The following DNAJC7 variants were observed in gnomAD, a reference collection of about 807,000 sequenced individuals.
The protein encoded by DNAJC7 is dnaJ homolog subfamily C member 7.
Under a neutral mutation model 67.4 loss-of-function variants are expected in DNAJC7, and 18 were observed. That is an observed-to-expected ratio of 0.27 (90% CI 0.18 to 0.40). The LOEUF (loss-of-function observed/expected upper bound fraction) is 0.40, where lower values mean the gene tolerates loss of function less well. Ranked by LOEUF, DNAJC7 falls within the 10% of genes least tolerant of loss-of-function variation. DNAJC7 has a pLI of 1.00. For missense variants in DNAJC7, 419 were observed against 613.8 expected, an observed-to-expected ratio of 0.68 and a Z score of 3.35; for synonymous variants, 220 against 207.8, an observed-to-expected ratio of 1.06 and a Z score of -0.50.
intron 9 of DNAJC7, 94 bp from the exon 10 acceptor site, chr17:41,983,730 G>T: frequency 9.4e-7 from 1 of 1,063,434 alleles, no homozygotes; most frequent in South Asian, 1.6e-5. Flanking sequence ...TCAAGCAAGA[G>T]ACACACACTT....
At chr17:42,003,285 AGTGGACTG>A (rs1463992897) in intron 1 of DNAJC7, 1 of 152,242 alleles carries the variant, frequency 6.6e-6, no homozygotes, top group Non-Finnish European at 1.5e-5. Flanking sequence ...CAATGCCCAA[AGTGGACTG>A]GAGTCCCTCC....
At chr17:41,978,421 A>C (rs1452605705) in intron 12 of DNAJC7, among the ~76,000 whole-genome samples, 3 of 152,150 alleles carry the variant, frequency 2.0e-5, no homozygotes, top group Non-Finnish European at 4.4e-5. Context: ...ACCACTAACT[A>C]ACTCCCTGAC....
chr17:41,976,830 C>T, intron 13 of DNAJC7, 60 bp from the exon 14 acceptor site: 1 of 1,587,802 alleles, frequency 6.3e-7, no homozygotes. Context: ...GATCACTTTG[C>T]TCTGATTATG....
intron 9 of DNAJC7, chr17:41,985,583 C>T (rs1041233643): frequency 3.0e-4 from 45 of 152,170 alleles, no homozygotes; most frequent in African/African-American, 1.0e-3. Flanking sequence ...TCAGGGATAT[C>T]CTCACATTTT....
At chr17:42,005,887 C>G (rs1004572964) in intron 1 of DNAJC7, among the ~76,000 whole-genome samples, 5 of 151,548 alleles carry the variant, frequency 3.3e-5, no homozygotes, top group African/African-American at 1.2e-4. Flanking sequence ...ATTACAGGCA[C>G]ACGCCACCAT....
At position 41,983,831 on chromosome 17, in the gene DNAJC7, C is replaced by T. The variant is rs1039109476; in HGVS notation, c.1011-195G>A. Among the ~76,000 whole-genome samples, 12 of 152,312 alleles carry T rather than the reference C, an allele frequency of 7.9e-5. 1 individual carries two copies. In the East Asian group the frequency reaches 2.3e-3, roughly 29 times the overall value. ...CTCAAGGAAATAAAAAGAGAGGTCGCATGGCACTTGCATCCAACCAGCAAA... is the reference window on the plus strand; with the variant it reads ...CTCAAGGAAATAAAAAGAGAGGTCGTATGGCACTTGCATCCAACCAGCAAA... On this transcript the variant is annotated intron_variant, in intron 9 of 13. Transcript: ENST00000457167.
At chr17:41,981,292 G>A (rs2051243798) in intron 12 of DNAJC7, among the ~76,000 whole-genome samples, 1 of 152,128 alleles carries the variant, frequency 6.6e-6, no homozygotes, top group South Asian at 2.1e-4. Flanking sequence ...CGCCTCCTGG[G>A]TGCAAGCGAT....
intron 1 of DNAJC7, among the ~76,000 whole-genome samples, chr17:42,008,603 G>A (rs1030129994): frequency 1.3e-5 from 2 of 151,958 alleles, no homozygotes; most frequent in Non-Finnish European, 2.9e-5. Flanking sequence ...GTAGAGACGG[G>A]GTTTCACCGT....
At chr17:41,996,998 A>G (rs2051678126) in intron 3 of DNAJC7, 117 bp downstream of exon 3, 1 of 1,506,402 alleles carries the variant, frequency 6.6e-7, no homozygotes, top group Admixed American at 1.9e-5. Context: ...AAAGTCCCCC[A>G]CAACAAAGAA....
chr17:41,977,300 TG>T lies in DNAJC7; in HGVS notation c.1407del (p.Phe469LeufsTer43). ...NMGDFDPNNI[F>X]KAFFGGPGGF... is the part of the protein sequence containing the mutation. ...CCGCCAGGACCGCCAAAGAATGCCT[TG>T]AAGATATTGTTTGGATCAAAATCTG... On this transcript the variant is annotated frameshift_variant, in exon 13 of 14. Transcript: ENST00000457167. LOFTEE classifies it high-confidence loss of function. 1 of 1,584,260 alleles carries T rather than the reference TG, an allele frequency of 6.3e-7. No individual in the cohort carries two copies. The highest frequency in any genetic ancestry group is 8.6e-7 in the Non-Finnish European group (1 of 1,165,196).
intron 1 of DNAJC7, chr17:42,013,513 A>T (rs2143365939): frequency 6.6e-6 from 1 of 152,306 alleles, no homozygotes; most frequent in East Asian, 1.9e-4. Context: ...CACAAAAACG[A>T]CCCGAGAGAC....
chr17:41,994,801 T>TCA (rs1177745103), intron 5 of DNAJC7, 69 bp downstream of exon 5: 52 of 1,349,868 alleles, frequency 3.9e-5, no homozygotes, highest in South Asian at 1.8e-4. Context: ...CTCTTAATTA[T>TCA]CACACACACA....
chr17:41,981,764 C>T, intron 12 of DNAJC7, 91 bp downstream of exon 12: 1 of 1,535,380 alleles, frequency 6.5e-7, no homozygotes, highest in Non-Finnish European at 8.8e-7. Flanking sequence ...CAGATTTGGC[C>T]CAAATAGACT....
intron 12 of DNAJC7, 158 bp downstream of exon 12, chr17:41,981,697 T>C (rs782673150): frequency 6.2e-5 from 64 of 1,029,828 alleles, no homozygotes; most frequent in Non-Finnish European, 8.9e-5. Flanking sequence ...ACTGTGAACC[T>C]GCCACATTTG....
intron 8 of DNAJC7, among the ~76,000 whole-genome samples, chr17:41,988,240 A>AT (rs150825009): frequency 6.6e-6 from 1 of 152,214 alleles, no homozygotes; most frequent in East Asian, 1.9e-4. Flanking sequence ...AATCACTCTG[A>AT]TTTTTAACTG....
chr17:42,005,927 CTTTATTTA>C (rs60465121), intron 1 of DNAJC7, among the ~76,000 whole-genome samples: 1 of 146,320 alleles, frequency 6.8e-6, no homozygotes, highest in African/African-American at 2.5e-5. Flanking sequence ...GAGAAAAGAG[CTTTATTTA>C]TTTATTTATT....
intron 2 of DNAJC7, among the ~76,000 whole-genome samples, chr17:41,998,705 A>G (rs2051724710): frequency 6.6e-6 from 1 of 152,134 alleles, no homozygotes; most frequent in Non-Finnish European, 1.5e-5. Flanking sequence ...CTGACACGGG[A>G]TTAAAGTATG....
At chr17:41,982,217 G>T (rs782819932) in intron 11 of DNAJC7, 38 bp downstream of exon 11, 14 of 1,612,182 alleles carry the variant, frequency 8.7e-6, no homozygotes, top group African/African-American at 1.3e-5. Flanking sequence ...TGCCCTGCGG[G>T]TTCTTCCCAC....
At chr17:42,011,033 A>C (rs2052102164) in intron 1 of DNAJC7, 1 of 152,224 alleles carries the variant, frequency 6.6e-6, no homozygotes, top group Admixed American at 6.5e-5. Flanking sequence ...TTCTTACTTC[A>C]AAAGTTTAAA....
Sources: allele counts gnomAD v4.1 joint callset (sites outside exome capture counted in the v4.1 genomes callset), GRCh38; gene constraint gnomAD v4.1.1; transcripts MANE v1.5; gene names NCBI Gene and HGNC (gene_info 2026-07-23, HGNC 2026-07-21).